Variants in VWCE observed in about 807,000 individuals in gnomAD.
VWCE encodes von Willebrand factor C and EGF domains.
VWCE carries 68 observed loss-of-function variants against 102.9 expected under a neutral mutation model. The ratio of observed to expected loss-of-function variants is 0.66; its 90% CI spans 0.54 to 0.81. VWCE has a LOEUF of 0.81. Ranked by LOEUF, VWCE falls within the 30% of genes least tolerant of loss-of-function variation. The pLI is 0.00. For missense variants in VWCE, 1,137 were observed against 1,263.6 expected (o/e 0.90, Z 1.52); for synonymous variants, 497 against 515.4 (o/e 0.96, Z 0.48).
At chr11:61,285,132 C>T (rs554066505) in intron 5 of VWCE, among the ~76,000 whole-genome samples, 11 of 152,002 alleles carry the variant, frequency 7.2e-5, no homozygotes, top group Non-Finnish European at 1.3e-4. Flanking sequence ...GTAGAAGCCC[C>T]CAGCCTGTGG....
rs563350370 is a variant in VWCE, at chr11:61,278,212, T to C, written c.1407+182A>G. Among the ~76,000 whole-genome samples, 9 of 152,292 alleles carry C rather than the reference T, an allele frequency of 5.9e-5. No homozygotes were observed. The East Asian group carries it at 7.7e-4, about 13-fold the overall frequency. ...AGAAGCCTCCCTTACTCCACCAACC[T>C]TCGTGTTTTACACTTCCCTCCCCCT... On this transcript the variant is annotated intron_variant, in intron 10 of 19. Transcript: ENST00000335613.
intron 5 of VWCE, among the ~76,000 whole-genome samples, chr11:61,286,003 C>T (rs1201473099): frequency 6.6e-6 from 1 of 152,194 alleles, no homozygotes; most frequent in Non-Finnish European, 1.5e-5. Flanking sequence ...ATCCTCCCGC[C>T]TTGACCTCCC....
At chr11:61,285,565 T>C (rs941745978) in intron 5 of VWCE, among the ~76,000 whole-genome samples, 11 of 152,118 alleles carry the variant, frequency 7.2e-5, no homozygotes, top group African/African-American at 2.4e-4. Context: ...GTGAAACTGA[T>C]GAATGTAGTC....
chr11:61,287,894 G>A (rs1005687737), intron 4 of VWCE, among the ~76,000 whole-genome samples: 12 of 151,966 alleles, frequency 7.9e-5, no homozygotes, highest in Non-Finnish European at 1.2e-4. Flanking sequence ...AGTGGCTCAC[G>A]CCTGTAATCC....
intron 12 of VWCE, 27 bp downstream of exon 12, chr11:61,274,471 CA>C (rs1221693595): frequency 6.2e-7 from 1 of 1,607,438 alleles, no homozygotes; most frequent in East Asian, 2.2e-5. Flanking sequence ...ATCAATTCCA[CA>C]GGCTTTGGGA....
intron 7 of VWCE, 130 bp downstream of exon 7, chr11:61,281,656 A>T (rs1590645152): frequency 8.1e-7 from 1 of 1,229,640 alleles, no homozygotes; most frequent in Non-Finnish European, 1.1e-6. Flanking sequence ...GGGCGGGGCC[A>T]GGAGCTGAGA....
intron 15 of VWCE, among the ~76,000 whole-genome samples, chr11:61,268,061 T>G (rs1445142029): frequency 6.6e-6 from 1 of 151,676 alleles, no homozygotes; most frequent in African/African-American, 2.4e-5. Flanking sequence ...GATGAGACAG[T>G]AGGGGAAGCT....
chr11:61,280,006 C>T (rs1191442537), intron 9 of VWCE, among the ~76,000 whole-genome samples: 1 of 152,196 alleles, frequency 6.6e-6, no homozygotes, highest in Non-Finnish European at 1.5e-5. Context: ...GGATTACAGG[C>T]TTGAGCCAGC....
intron 5 of VWCE, among the ~76,000 whole-genome samples, chr11:61,283,849 T>G (rs1855223929): frequency 6.6e-6 from 1 of 152,212 alleles, no homozygotes. Context: ...CAGTGGAACC[T>G]CCTCTGTAAA....
chr11:61,281,090 G>T lies in VWCE; in HGVS notation c.933C>A (p.Ala311=). The T allele has an allele frequency of 6.2e-7, 1 of 1,609,688 alleles. No homozygotes were observed. The change falls in exon 8 of 20, where the codon GCC becomes GCA. Residue 311 remains alanine, a synonymous_variant. Coordinates refer to ENST00000335613, the MANE Select transcript of VWCE (RefSeq NM_152718.2). The part of the protein sequence containing the change: ...SPPSGAPGPP[A]GVRTTRLPSP... ...ATGGCAGGCGGGTGGTCCTGACTCC[G>T]GCTGGGGGCCCTGGAGCCCCAGAAG...
At chr11:61,267,392 G>T in intron 16 of VWCE, 70 bp downstream of exon 16, 1 of 1,496,716 alleles carries the variant, frequency 6.7e-7, no homozygotes. Context: ...TTTTGCCTCT[G>T]GGATTCAGGA....
At position 61,265,010 on chromosome 11, in the gene VWCE, C is replaced by T. The variant is rs1200573376; in HGVS notation, c.2085G>A (p.Ala695=). ...CATCCAAGGTGAACACCTGGCCATTCGCCACCTTCCTTCCCTCGTAGTTGC... is the reference window on the plus strand; with the variant it reads ...CATCCAAGGTGAACACCTGGCCATTTGCCACCTTCCTTCCCTCGTAGTTGC... ...RDCNYEGRKV[A]NGQVFTLDDE... The change falls in exon 18 of 20, where the codon GCG becomes GCA. Residue 695 remains alanine, a synonymous_variant. Transcript: ENST00000335613. The T allele has an allele frequency of 1.1e-5, 17 of 1,614,188 alleles. No individual in the cohort carries two copies. The highest frequency in any genetic ancestry group is 1.7e-4 in the Middle Eastern group (1 of 6,054).
At chr11:61,259,394 C>T in intron 19 of VWCE, 82 bp from the exon 20 acceptor site, 1 of 1,487,842 alleles carries the variant, frequency 6.7e-7, no homozygotes, top group South Asian at 1.4e-5. Flanking sequence ...ATACCAGGGA[C>T]ACCCAAGCTC....
At chr11:61,260,375 G>C (rs1854317084) in intron 19 of VWCE, among the ~76,000 whole-genome samples, 2 of 152,186 alleles carry the variant, frequency 1.3e-5, no homozygotes, top group Non-Finnish European at 2.9e-5. Flanking sequence ...CTGGGCTCAA[G>C]CGATCCTCCC....
intron 11 of VWCE, 75 bp from the exon 12 acceptor site, chr11:61,274,659 T>C: frequency 5.7e-6 from 8 of 1,399,458 alleles, no homozygotes; most frequent in Non-Finnish European, 8.0e-6. Flanking sequence ...AACAAATGGG[T>C]AGGGAGCCCC....
chr11:61,267,432 G>A (rs1854545099), intron 16 of VWCE, 30 bp downstream of exon 16: 2 of 1,609,312 alleles, frequency 1.2e-6, no homozygotes, highest in Non-Finnish European at 1.7e-6. Flanking sequence ...GAGTTTCCAG[G>A]GGCGGGAGTC....
At chr11:61,283,161 T>C (rs1855197108) in intron 5 of VWCE, among the ~76,000 whole-genome samples, 1 of 152,180 alleles carries the variant, frequency 6.6e-6, no homozygotes, top group African/African-American at 2.4e-5. Context: ...GCCTCCAGTG[T>C]GTCTATCTCT....
At chr11:61,276,472 CT>C (rs1235120033) in intron 11 of VWCE, 120 bp downstream of exon 11, 2 of 713,948 alleles carry the variant, frequency 2.8e-6, no homozygotes, top group Admixed American at 3.7e-5. Context: ...CATCCCAGCA[CT>C]TTGAGAGGCT....
chr11:61,263,152 CA>C (rs1854407447), intron 19 of VWCE, among the ~76,000 whole-genome samples: 1 of 152,030 alleles, frequency 6.6e-6, no homozygotes, highest in East Asian at 1.9e-4. Flanking sequence ...ACTAAAAATA[CA>C]AAAATTAGCC....
Sources: allele counts gnomAD v4.1 joint callset (sites outside exome capture counted in the v4.1 genomes callset), GRCh38; gene constraint gnomAD v4.1.1; transcripts MANE v1.5; gene names NCBI Gene and HGNC (gene_info 2026-07-23, HGNC 2026-07-21).